TENM2: variants seen among roughly 807,000 people sequenced by gnomAD.
The protein encoded by TENM2 is teneurin-2.
In TENM2, 52 loss-of-function variants were observed where a neutral mutation model predicts 245.2. The observed-to-expected ratio is 0.21, with a 90% confidence interval of 0.17 to 0.27. The LOEUF is 0.27. TENM2 is among the 10% of genes least tolerant of loss of function. The pLI is 1.00. For synonymous variants in TENM2, 1,363 were observed against 1,438.9 expected (o/e 0.95, Z 1.19); for missense variants, 3,046 against 3,666.8 (o/e 0.83, Z 4.37).
At position 167,349,508 on chromosome 5, in the gene TENM2, C is replaced by T. The variant is rs913059839; in HGVS notation, c.227-25690C>T. On this transcript the variant is annotated intron_variant, in intron 1 of 28. Transcript: ENST00000518659. Reference sequence around the variant, plus strand: ...ATCCTACTAGAAACTAGAGATTACTCAAAAATTATTCTTGTTATTATTGTG... The same window carrying T: ...ATCCTACTAGAAACTAGAGATTACTTAAAAATTATTCTTGTTATTATTGTG... Among the ~76,000 whole-genome samples, 4 of 152,220 alleles carry T rather than the reference C, an allele frequency of 2.6e-5. No homozygotes were observed. In the South Asian group the frequency reaches 8.3e-4, roughly 32 times the overall value.
chr5:167,010,128 T>C, the TENM2 span, among the ~76,000 whole-genome samples: 6 of 152,146 alleles, frequency 3.9e-5, no homozygotes, highest in Admixed American at 3.3e-4. Flanking sequence ...ACACCTGTAA[T>C]CCCAGCACTT....
chr5:167,293,053 G>A (rs1455719034), intron 1 of TENM2, among the ~76,000 whole-genome samples: 1 of 152,234 alleles, frequency 6.6e-6, no homozygotes, highest in Non-Finnish European at 1.5e-5. Context: ...ATTTCAGGGA[G>A]ACAGTGCTGG....
At chr5:167,816,520 C>T (rs1428176058) in intron 2 of TENM2, among the ~76,000 whole-genome samples, 2 of 152,120 alleles carry the variant, frequency 1.3e-5, no homozygotes, top group Non-Finnish European at 2.9e-5. Context: ...CTGTTCTGCC[C>T]CTGTGGAAAC....
intron 2 of TENM2, among the ~76,000 whole-genome samples, chr5:167,826,071 T>C (rs1286566323): frequency 6.6e-6 from 1 of 152,008 alleles, no homozygotes; most frequent in Non-Finnish European, 1.5e-5. Flanking sequence ...GAATTTGGCC[T>C]CTTACCCCTA....
In TENM2 at chr5:168,165,645, C is replaced by A. The variant is rs1377679589; in HGVS notation, c.2569+2888C>A. On this transcript the variant is annotated intron_variant, in intron 13 of 28. Coordinates refer to ENST00000518659, the Ensembl canonical transcript of TENM2. ...CCAGGCACAATTCAGGATCCCCCCC[C>A]CAACCCCCCCCCCCCCCCCGGCTGG... Among the ~76,000 whole-genome samples the A allele has an allele frequency of 2.7e-4, 5 of 18,366 alleles. 1 individual carries two copies. Among genetic ancestry groups the A allele is most frequent in the South Asian group, 1.9e-3 (1 of 516 alleles). 12.0% of individuals were successfully genotyped at this position (18,366 alleles called of 152,430 possible).
chr5:167,140,148 A>T, the TENM2 span, among the ~76,000 whole-genome samples: 1 of 151,952 alleles, frequency 6.6e-6, no homozygotes, highest in Non-Finnish European at 1.5e-5. Flanking sequence ...TTTTTACTTT[A>T]AAAAAAATTT....
chr5:168,263,092 C>A (rs1768355515), downstream of TENM2: 1 of 371,416 alleles, frequency 2.7e-6, no homozygotes, highest in Admixed American at 4.2e-5. Context: ...TAAAATATGA[C>A]CCACTTGTTC....
At chr5:167,051,063 A>G in the TENM2 span, among the ~76,000 whole-genome samples, 3 of 151,962 alleles carry the variant, frequency 2.0e-5, no homozygotes, top group African/African-American at 4.8e-5. Context: ...TAACCAATAC[A>G]CGGTTTCCAC....
At chr5:167,283,111 T>G (rs1171510873), upstream of TENM2, among the ~76,000 whole-genome samples, 1 of 151,978 alleles carries the variant, frequency 6.6e-6, no homozygotes, top group African/African-American at 2.4e-5. Flanking sequence ...ATGGCAGATC[T>G]CAGCTCACTG....
At chr5:167,874,766 G>A (rs1339051095) in intron 2 of TENM2, among the ~76,000 whole-genome samples, 1 of 152,218 alleles carries the variant, frequency 6.6e-6, no homozygotes, top group East Asian at 1.9e-4. Flanking sequence ...GTGAAGGAGA[G>A]GATGCAGCAG....
At position 168,218,921 on chromosome 5, in the gene TENM2, T is replaced by A. The variant is rs766008933; in HGVS notation, c.5030T>A (p.Leu1677His). 2 of 1,614,034 alleles carry A rather than the reference T, an allele frequency of 1.2e-6. No homozygotes were observed. Among genetic ancestry groups the A allele is most frequent in the Non-Finnish European group, 1.7e-6 (2 of 1,179,898 alleles). ...GTCGTGTCCACACAGAACCTGGAGC[T>A]TGGTCTCATGACCTATGATGGCAAC... Residue 1677 changes from leucine to histidine, a missense_variant, in exon 23 of 29, where the codon CTT becomes CAT. Coordinates refer to ENST00000518659, the Ensembl canonical transcript of TENM2. The surrounding 1 kb of genome is among the most constrained non-coding windows in gnomAD (Gnocchi z 5.2).
chr5:167,932,603 C>T (rs751502196), intron 3 of TENM2, among the ~76,000 whole-genome samples: 27 of 151,774 alleles, frequency 1.8e-4, no homozygotes, highest in Non-Finnish European at 2.8e-4. Flanking sequence ...TGAAGGAGAC[C>T]CTGTTGAATT....
At chr5:167,402,600 A>G (rs1666800615) in intron 2 of TENM2, among the ~76,000 whole-genome samples, 2 of 151,922 alleles carry the variant, frequency 1.3e-5, no homozygotes, top group South Asian at 4.2e-4. Context: ...TGAAGTGTAG[A>G]TTCTCTCTTT....
chr5:167,101,868 T>C, the TENM2 span, among the ~76,000 whole-genome samples: 1 of 129,516 alleles, frequency 7.7e-6, no homozygotes, highest in African/African-American at 2.8e-5. Context: ...TATATATATA[T>C]ATATATATGC....
chr5:167,563,057 T>G (rs1773699346), intron 2 of TENM2, among the ~76,000 whole-genome samples: 1 of 151,870 alleles, frequency 6.6e-6, no homozygotes, highest in Non-Finnish European at 1.5e-5. Context: ...CCTGGGCACA[T>G]GCCTAGGTAC....
chr5:167,072,065 C>T, the TENM2 span, among the ~76,000 whole-genome samples: 3 of 152,078 alleles, frequency 2.0e-5, no homozygotes, highest in Non-Finnish European at 2.9e-5. Flanking sequence ...ATATAGCATG[C>T]AGCTGTGGCT....
intron 1 of TENM2, among the ~76,000 whole-genome samples, chr5:167,352,809 AAAT>A (rs1272091945): frequency 3.0e-4 from 45 of 152,348 alleles, no homozygotes; most frequent in African/African-American, 1.1e-3. Flanking sequence ...CATTAACGCA[AAAT>A]AATAAGTTAT....
At chr5:168,263,028 G>T (rs557408555), downstream of TENM2, 3 of 509,592 alleles carry the variant, frequency 5.9e-6, no homozygotes, top group South Asian at 1.1e-4. Flanking sequence ...AAATTCCGAG[G>T]AAAACAAAAC....
intron 2 of TENM2, among the ~76,000 whole-genome samples, chr5:167,527,097 C>T (rs1031913058): frequency 2.0e-5 from 3 of 152,078 alleles, no homozygotes; most frequent in African/African-American, 7.2e-5. Context: ...TCCACCCCTA[C>T]TCACCTATAT....
Sources: gnomAD v4.1 joint callset for allele counts (sites outside exome capture counted in the v4.1 genomes callset) on GRCh38, gnomAD v4.1.1 for gene constraint, Gnocchi (gnomAD v3.1) non-coding constraint, MANE v1.5 for transcripts, NCBI Gene and HGNC (gene_info 2026-07-23, HGNC 2026-07-21) for gene names.